The following ATXN1 variants were observed in gnomAD, a reference collection of about 807,000 sequenced individuals.
ATXN1 encodes the protein ataxin 1.
ATXN1 carries 8 observed loss-of-function variants against 56.4 expected under a neutral mutation model. The observed-to-expected ratio is 0.14, with a 90% CI of 0.08 to 0.26. The LOEUF (loss-of-function observed/expected upper bound fraction) is 0.26, where lower values mean the gene tolerates loss of function less well. Among genes scored for constraint, ATXN1 ranks in the 10% least tolerant of loss-of-function variants. ATXN1 has a pLI of 1.00. For missense variants in ATXN1, 987 were observed against 1,106.5 expected, an observed-to-expected ratio of 0.89 and a Z score of 1.53; for synonymous variants, 514 against 494.6, an observed-to-expected ratio of 1.04 and a Z score of -0.52.
At chr6:16,417,495 G>C (rs2113560367) in intron 6 of ATXN1, among the ~76,000 whole-genome samples, 1 of 146,974 alleles carries the variant, frequency 6.8e-6, no homozygotes. Context: ...CTGGAGAGCA[G>C]TGGCACGATC....
intron 6 of ATXN1, among the ~76,000 whole-genome samples, chr6:16,334,814 C>T (rs1761080068): frequency 6.6e-6 from 1 of 152,156 alleles, no homozygotes; most frequent in South Asian, 2.1e-4. Context: ...GCTGCAAAGG[C>T]ACGTGGGAAG....
intron 3 of ATXN1, among the ~76,000 whole-genome samples, chr6:16,589,455 A>G (rs6905648): frequency 0.52 from 78,418 of 150,714 alleles, 23,833 homozygotes; most frequent in Admixed American, 0.68. Flanking sequence ...CTTATATATT[A>G]TATATACATC....
chr6:16,474,729 G>GA (rs1712738906), intron 6 of ATXN1, among the ~76,000 whole-genome samples: 4 of 151,790 alleles, frequency 2.6e-5, no homozygotes, highest in African/African-American at 9.7e-5. Flanking sequence ...TTAGGAGAGA[G>GA]CTGGTCATGG....
chr6:16,649,943 T>C (rs1266924576), intron 3 of ATXN1, among the ~76,000 whole-genome samples: 2 of 147,654 alleles, frequency 1.4e-5, no homozygotes, highest in African/African-American at 4.9e-5. Context: ...GAGGATAATT[T>C]CTGTTTTGTT....
At chr6:16,371,178 A>G (rs1762033063) in intron 6 of ATXN1, among the ~76,000 whole-genome samples, 1 of 152,252 alleles carries the variant, frequency 6.6e-6, no homozygotes, top group Non-Finnish European at 1.5e-5. Context: ...TTTACTTACA[A>G]GAAGGAACTG....
At chr6:16,318,766 C>A (rs1050175174) in intron 7 of ATXN1, among the ~76,000 whole-genome samples, 2 of 152,172 alleles carry the variant, frequency 1.3e-5, no homozygotes, top group African/African-American at 2.4e-5. Context: ...CACATGGTAG[C>A]GTGGCTCACA....
At chr6:16,432,238 C>T (rs1321050229) in intron 6 of ATXN1, among the ~76,000 whole-genome samples, 2 of 152,154 alleles carry the variant, frequency 1.3e-5, no homozygotes, top group East Asian at 1.9e-4. Flanking sequence ...ATGTTACACT[C>T]GTTAAATTGA....
rs1420701870 is a variant in ATXN1, at chr6:16,300,377, A to G, written c.*5952T>C. On this transcript the variant is annotated 3_prime_UTR_variant, in exon 8 of 8. Transcript: ENST00000436367. ...CCGGTGTTCCCTCCCGCCATTACAC[A>G]GGAGAAAGTTAGCTACCAGAACAGT... 6.6e-6 allele frequency: 1 copy of G among 152,650 alleles called. No individual in the cohort carries two copies. Among genetic ancestry groups the G allele is most frequent in the South Asian group, 2.1e-4 (1 of 4,824 alleles). 9.5% of individuals were successfully genotyped at this position (152,650 alleles called of 1,614,324 possible).
chr6:16,574,333 G>A (rs1762384171), intron 4 of ATXN1, among the ~76,000 whole-genome samples: 1 of 152,254 alleles, frequency 6.6e-6, no homozygotes, highest in African/African-American at 2.4e-5. Flanking sequence ...AGCCTCTTGA[G>A]TAGCTGGGAT....
intron 6 of ATXN1, among the ~76,000 whole-genome samples, chr6:16,348,655 A>G (rs932885330): frequency 1.3e-5 from 2 of 152,050 alleles, no homozygotes; most frequent in African/African-American, 4.8e-5. Flanking sequence ...AGATTGTACC[A>G]TTGCACTCTA....
intron 2 of ATXN1, among the ~76,000 whole-genome samples, chr6:16,704,900 G>A (rs1047329551): frequency 6.6e-6 from 1 of 152,202 alleles, no homozygotes. Context: ...CACTCAGCGA[G>A]GGGGAGGGGG....
chr6:16,323,339 T>C (rs1760722346), intron 7 of ATXN1, among the ~76,000 whole-genome samples: 1 of 151,714 alleles, frequency 6.6e-6, no homozygotes, highest in East Asian at 1.9e-4. Flanking sequence ...GCCAACATGG[T>C]GAAACCCTGT....
chr6:16,391,525 C>T (rs892232485), intron 6 of ATXN1, among the ~76,000 whole-genome samples: 5 of 152,140 alleles, frequency 3.3e-5, no homozygotes, highest in South Asian at 2.1e-4. Flanking sequence ...CTAAAAATAA[C>T]ATGTTTCTCT....
chr6:16,562,532 AAAAAG>A (rs1169853337), intron 4 of ATXN1, among the ~76,000 whole-genome samples: 6 of 152,028 alleles, frequency 3.9e-5, no homozygotes, highest in African/African-American at 7.2e-5. Context: ...GAAACAAAAG[AAAAAG>A]AAAAGAAAAG....
chr6:16,559,584 A>G (rs1762078146), intron 4 of ATXN1, among the ~76,000 whole-genome samples: 1 of 152,324 alleles, frequency 6.6e-6, no homozygotes, highest in East Asian at 1.9e-4. Context: ...TTTTGCTTAT[A>G]TAATCATAAA....
intron 3 of ATXN1, among the ~76,000 whole-genome samples, chr6:16,631,943 T>C (rs1159942358): frequency 1.3e-5 from 2 of 152,254 alleles, no homozygotes; most frequent in Non-Finnish European, 2.9e-5. Flanking sequence ...TTAGAATCCA[T>C]GCTCCACTGC....
intron 6 of ATXN1, among the ~76,000 whole-genome samples, chr6:16,470,597 T>C (rs909297277): frequency 6.6e-6 from 1 of 152,230 alleles, no homozygotes; most frequent in Non-Finnish European, 1.5e-5. Flanking sequence ...GGAAAGTTAT[T>C]GGACAGAAGT....
intron 4 of ATXN1, among the ~76,000 whole-genome samples, chr6:16,522,911 C>T (rs1298247525): frequency 6.6e-6 from 1 of 152,180 alleles, no homozygotes; most frequent in Non-Finnish European, 1.5e-5. Context: ...AGAACAATCA[C>T]AGGCATGATT....
chr6:16,539,322 A>C (rs1761667329), intron 4 of ATXN1, among the ~76,000 whole-genome samples: 1 of 152,102 alleles, frequency 6.6e-6, no homozygotes, highest in South Asian at 2.1e-4. Flanking sequence ...CCCACTGCTG[A>C]ATTTTTTAAA....
Sources: gnomAD v4.1 joint callset for allele counts (sites outside exome capture counted in the v4.1 genomes callset) on GRCh38, gnomAD v4.1.1 for gene constraint, MANE v1.5 for transcripts, NCBI Gene and HGNC (gene_info 2026-07-23, HGNC 2026-07-21) for gene names.